The following APMAP variants were observed in gnomAD, a reference collection of about 807,000 sequenced individuals.
APMAP encodes adipocyte plasma membrane associated protein.
Under a neutral mutation model 43.6 loss-of-function variants are expected in APMAP, and 33 were observed. The ratio of observed to expected loss-of-function variants is 0.76; its 90% confidence interval spans 0.57 to 1.01. The LOEUF is 1.01. Ranked by LOEUF, APMAP falls within the 50% of genes least tolerant of loss-of-function variation. The pLI is 0.00. For synonymous variants in APMAP, 224 were observed against 216.7 expected (o/e 1.03, Z -0.30); for missense variants, 498 against 540.7 (o/e 0.92, Z 0.78).
chr20:24,980,107 G>A lies in APMAP; in HGVS notation c.213-1225C>T, dbSNP rs111901385. 6.1e-3 allele frequency among the ~76,000 whole-genome samples: 930 copies of A among 152,320 alleles called. 15 individuals carry two copies. Among genetic ancestry groups the A allele is most frequent in the African/African-American group, 0.022 (906 of 41,572 alleles). On this transcript the variant is annotated intron_variant, in intron 2 of 8. Transcript: ENST00000217456. ...CCCCACTAGAACATACGCTCCATGA[G>A]ATCAGGGATTTCTTTCTGTGTTTTT... is the stretch of plus-strand genomic sequence containing the variant.
intron 1 of APMAP, among the ~76,000 whole-genome samples, chr20:24,991,273 G>A (rs1039806869): frequency 2.0e-5 from 3 of 152,208 alleles, no homozygotes; most frequent in Non-Finnish European, 2.9e-5. Flanking sequence ...ATTCTTGCAT[G>A]TCCATTCTAA....
chr20:24,985,238 G>A (rs943853187), intron 1 of APMAP, among the ~76,000 whole-genome samples: 1 of 152,144 alleles, frequency 6.6e-6, no homozygotes, highest in African/African-American at 2.4e-5. Flanking sequence ...ATCCAGTCCT[G>A]AACATGCAAG....
At chr20:24,982,838 C>A (rs903919624) in intron 2 of APMAP, among the ~76,000 whole-genome samples, 6 of 152,212 alleles carry the variant, frequency 3.9e-5, no homozygotes, top group Non-Finnish European at 7.4e-5. Flanking sequence ...GGGACCCCCC[C>A]CCGCCACCCA....
intron 1 of APMAP, among the ~76,000 whole-genome samples, chr20:24,990,014 T>A (rs1051351839): frequency 1.3e-5 from 2 of 152,212 alleles, no homozygotes; most frequent in African/African-American, 2.4e-5. Flanking sequence ...TTATTCTGCA[T>A]CCCTAAACAG....
chr20:24,968,473 C>A (rs2087965262), intron 8 of APMAP, among the ~76,000 whole-genome samples: 1 of 152,134 alleles, frequency 6.6e-6, no homozygotes, highest in Admixed American at 6.5e-5. Context: ...GAGGAAAGGG[C>A]ACCTGCCGAC....
chr20:24,983,468 G>A (rs2088121277), intron 2 of APMAP, among the ~76,000 whole-genome samples: 1 of 152,088 alleles, frequency 6.6e-6, no homozygotes, highest in Non-Finnish European at 1.5e-5. Context: ...AAATTATAAT[G>A]GACTGCATTA....
rs536473521 is a variant in APMAP, at chr20:24,968,759, T to C, written c.1041+133A>G. 7.5e-4 allele frequency: 646 copies of C among 866,500 alleles called. 1 individual carries two copies. Among genetic ancestry groups the C allele is most frequent in the Middle Eastern group, 5.2e-3 (14 of 2,690 alleles). 53.7% of individuals were successfully genotyped at this position (866,500 alleles called of 1,614,324 possible). ...TAAATCTGCATTTCAGGATGAAGAA[T>C]GAAATGTGTTTCTAAGTGTCATTCA... is the stretch of plus-strand genomic sequence containing the variant. On this transcript the variant is annotated intron_variant, in intron 8 of 8. Transcript: ENST00000217456.
At chr20:24,972,256 A>G (rs548880169) in intron 4 of APMAP, among the ~76,000 whole-genome samples, 1 of 139,754 alleles carries the variant, frequency 7.2e-6, no homozygotes, top group East Asian at 2.2e-4. Context: ...TGCTCACTGC[A>G]GGTGCTTATT....
rs189436883 is a variant in APMAP at position 24,988,703 on chromosome 20, C to A, written c.95+3891G>T. Among the ~76,000 whole-genome samples the A allele has an allele frequency of 3.0e-4, 45 of 152,326 alleles. 2 individuals are homozygous for A. In the East Asian group the frequency reaches 7.9e-3, roughly 27 times the overall value. On this transcript the variant is annotated intron_variant, in intron 1 of 8. Transcript: ENST00000217456. ...CGGTTGTTCCTCATGTGCAGCTGGA[C>A]ACCACTAACTCTATGCAGCTCCCTT... is the stretch of plus-strand genomic sequence containing the variant.
At chr20:24,988,085 C>T (rs1289518454) in intron 1 of APMAP, among the ~76,000 whole-genome samples, 1 of 152,220 alleles carries the variant, frequency 6.6e-6, no homozygotes, top group Non-Finnish European at 1.5e-5. Flanking sequence ...CCAACAGGGA[C>T]TGCCTGCCTT....
At position 24,989,564 on chromosome 20, in the gene APMAP, C is replaced by G. The variant is rs148584033; in HGVS notation, c.95+3030G>C. Among the ~76,000 whole-genome samples, 383 of 152,226 alleles carry G rather than the reference C, an allele frequency of 2.5e-3. 2 individuals carry two copies. The highest frequency in any genetic ancestry group is 9.0e-3 in the African/African-American group (374 of 41,516). On this transcript the variant is annotated intron_variant, in intron 1 of 8. Coordinates refer to ENST00000217456, the MANE Select transcript of APMAP (RefSeq NM_020531.3). ...ATTGTTGTGGAAAACCTGATAGCCC[C>G]AAATCCATGGGGTACCAGCAACCTC...
intron 8 of APMAP, among the ~76,000 whole-genome samples, chr20:24,967,722 G>C (rs185109687): frequency 6.6e-6 from 1 of 152,200 alleles, no homozygotes; most frequent in Admixed American, 6.5e-5. Context: ...CTGAGGCAGC[G>C]AGTCCAAGTC....
Position 24,963,959 on chromosome 20 carries a change from C to T in APMAP, c.1105G>A (p.Asp369Asn), listed in dbSNP as rs989545848. 11 of 1,614,216 alleles carry T rather than the reference C, an allele frequency of 6.8e-6. No homozygotes were observed. The highest frequency in any genetic ancestry group is 6.7e-5 in the East Asian group (3 of 44,884). Residue 369 changes from aspartate (D) to asparagine (N), a missense_variant, in exon 9 of 9, where the codon GAC becomes AAC. By Grantham distance (23) the Asp-to-Asn change is conservative. Coordinates refer to ENST00000217456, the MANE Select transcript of APMAP (RefSeq NM_020531.3). ...PRYSLVLELS[D>N]SGAFRRSLHD... ...AGGCTTCTCCGGAAGGCACCGCTGT[C>T]GCTGAGTTCTAGGACGAGGCTGTAC...
chr20:24,986,669 T>C (rs1383268083), intron 1 of APMAP, among the ~76,000 whole-genome samples: 1 of 151,760 alleles, frequency 6.6e-6, no homozygotes, highest in Non-Finnish European at 1.5e-5. Flanking sequence ...CAAATGAGAG[T>C]ATGCCAAGAA....
At chr20:24,978,745 C>CCG (rs200660754) in intron 3 of APMAP, 22 bp downstream of exon 3, 44 of 1,343,028 alleles carry the variant, frequency 3.3e-5, no homozygotes, top group Middle Eastern at 4.7e-4. Flanking sequence ...AAGGCTCCCC[C>CCG]CCCACCCAAG....
intron 8 of APMAP, among the ~76,000 whole-genome samples, chr20:24,964,569 C>T (rs547305944): frequency 2.6e-5 from 4 of 152,294 alleles, no homozygotes; most frequent in South Asian, 2.1e-4. Context: ...CAAAGCGGGG[C>T]GTGCAGATCC....
Position 24,970,390 on chromosome 20 carries a change from G to A in APMAP, c.539-19C>T, listed in dbSNP as rs1216937938. On this transcript the variant is annotated intron_variant, in intron 5 of 8. Transcript: ENST00000217456. ...ACTTCACCTGAAGTTTAAAAAGAAAGAAAAAGATTGACTTGAACTAGGAAC... is the reference window on the plus strand; with the variant it reads ...ACTTCACCTGAAGTTTAAAAAGAAAAAAAAAGATTGACTTGAACTAGGAAC... The A allele has an allele frequency of 6.3e-7, 1 of 1,588,548 alleles. No individual in the cohort carries two copies. Among genetic ancestry groups the A allele is most frequent in the Non-Finnish European group, 8.6e-7 (1 of 1,166,196 alleles).
At chr20:24,979,494 C>T (rs375578035) in intron 2 of APMAP, among the ~76,000 whole-genome samples, 5 of 152,310 alleles carry the variant, frequency 3.3e-5, no homozygotes, top group African/African-American at 1.2e-4. Context: ...CCTGCCTCTA[C>T]TCGTCCTTCC....
At chr20:24,978,992 A>T (rs2088077033) in intron 2 of APMAP, 110 bp from the exon 3 acceptor site, 1 of 797,498 alleles carries the variant, frequency 1.3e-6, no homozygotes, top group African/African-American at 1.8e-5. Context: ...TTCTAACAAC[A>T]TCCTCAGTTG....
Sources: gnomAD v4.1 joint callset for allele counts (sites outside exome capture counted in the v4.1 genomes callset) on GRCh38, gnomAD v4.1.1 for gene constraint, MANE v1.5 for transcripts, NCBI Gene and HGNC (gene_info 2026-07-23, HGNC 2026-07-21) for gene names.